The following VEPH1 variants were observed in gnomAD, a reference collection of about 807,000 sequenced individuals.
VEPH1 encodes ventricular zone-expressed PH domain-containing protein homolog 1.
In VEPH1, 80 loss-of-function variants were observed where a neutral mutation model predicts 85.2. That is an observed-to-expected ratio of 0.94 (90% CI 0.78 to 1.13). The LOEUF (loss-of-function observed/expected upper bound fraction) is 1.13, where lower values mean the gene tolerates loss of function less well. VEPH1 is among the 50% of genes most tolerant of loss of function. The probability of loss-of-function intolerance (pLI) is 0.00; values close to 1 mark genes in which losing one functional copy is unlikely to be tolerated. For missense variants in VEPH1, 955 were observed against 980.5 expected, an observed-to-expected ratio of 0.97 and a Z score of 0.35; for synonymous variants, 297 against 348.0, an observed-to-expected ratio of 0.85 and a Z score of 1.63.
chr3:157,367,863 T>G (rs905083960), intron 7 of VEPH1, among the ~76,000 whole-genome samples: 1 of 152,194 alleles, frequency 6.6e-6, no homozygotes, highest in Admixed American at 6.5e-5. Context: ...AAATTTCTCA[T>G]GAATTTATAA....
chr3:157,327,866 A>G (rs957596355), intron 9 of VEPH1, among the ~76,000 whole-genome samples: 2 of 152,220 alleles, frequency 1.3e-5, no homozygotes, highest in African/African-American at 4.8e-5. Flanking sequence ...TCTCACAAGC[A>G]ATGTTTCTGC....
intron 6 of VEPH1, chr3:157,413,328 G>A (rs367980312): frequency 2.5e-5 from 9 of 365,706 alleles, no homozygotes; most frequent in East Asian, 1.7e-4. Flanking sequence ...ATCCACAAAC[G>A]TTTATTTCAC....
At chr3:157,459,376 C>T (rs6791405) in intron 4 of VEPH1, 5,847 of 163,808 alleles carry the variant, frequency 0.036, 367 homozygotes, top group African/African-American at 0.13. Context: ...CCCTTGGGGA[C>T]CCTAAGAATT....
rs142817398 is a variant in VEPH1, at chr3:157,293,109, C to T, written c.2011-6435G>A. Among the ~76,000 whole-genome samples the T allele has an allele frequency of 1.7e-3, 259 of 152,148 alleles. 1 individual carries two copies. The highest frequency in any genetic ancestry group is 2.9e-3 in the Non-Finnish European group (200 of 68,010). On this transcript the variant is annotated intron_variant, in intron 11 of 13. Coordinates refer to ENST00000362010, the MANE Select transcript of VEPH1 (RefSeq NM_001167912.2). Reference sequence around the variant, plus strand: ...TGTTATTATTCCAAATTGTGCAATACGGCAAGAAGAGATCAGGTGTGAAAA... The same window carrying T: ...TGTTATTATTCCAAATTGTGCAATATGGCAAGAAGAGATCAGGTGTGAAAA...
chr3:157,416,868 AAGACAGAC>A lies in VEPH1; in HGVS notation c.697-2786_697-2779del, dbSNP rs59762343. ...GAAAAGAAAGAGAGAAAGAGAAAGA[AAGACAGAC>A]AGACAGAAAGAAAGAAAGAGAAAGG... is the stretch of plus-strand genomic sequence containing the variant. On this transcript the variant is annotated intron_variant, in intron 5 of 13. Transcript: ENST00000362010. Among the ~76,000 whole-genome samples the A allele has an allele frequency of 5.2e-3, 787 of 151,666 alleles. 5 individuals are homozygous for A. Among genetic ancestry groups the A allele is most frequent in the South Asian group, 0.011 (51 of 4,794 alleles).
chr3:157,442,623 C>T (rs1734216613), intron 4 of VEPH1: 2 of 1,614,154 alleles, frequency 1.2e-6, no homozygotes, highest in Non-Finnish European at 1.7e-6. Flanking sequence ...CATGGTTTCC[C>T]TGGGAAGGTG....
intron 7 of VEPH1, among the ~76,000 whole-genome samples, chr3:157,370,290 G>T (rs942418727): frequency 7.2e-5 from 11 of 152,184 alleles, no homozygotes; most frequent in African/African-American, 2.4e-4. Flanking sequence ...GGGGTGGAAA[G>T]ATTGGCAGCC....
chr3:157,472,546 G>T (rs557299705), intron 2 of VEPH1, among the ~76,000 whole-genome samples: 20 of 152,090 alleles, frequency 1.3e-4, no homozygotes, highest in Admixed American at 8.5e-4. Context: ...AAGTTCAGGG[G>T]TACATGTGCA....
chr3:157,344,802 A>G (rs1175944436), intron 9 of VEPH1, among the ~76,000 whole-genome samples: 1 of 152,210 alleles, frequency 6.6e-6, no homozygotes, highest in African/African-American at 2.4e-5. Flanking sequence ...TAACCAAAAC[A>G]TCATGGTACT....
intron 9 of VEPH1, among the ~76,000 whole-genome samples, chr3:157,325,945 T>C (rs191750048): frequency 2.6e-5 from 4 of 152,248 alleles, no homozygotes; most frequent in Non-Finnish European, 5.9e-5. Flanking sequence ...TTCATGATAT[T>C]GATTTTTCCT....
intron 12 of VEPH1, among the ~76,000 whole-genome samples, chr3:157,281,032 A>G (rs1241100375): frequency 6.6e-6 from 1 of 152,066 alleles, no homozygotes; most frequent in Non-Finnish European, 1.5e-5. Context: ...AAGGACAGAG[A>G]GAGAGAAATT....
In VEPH1 at chr3:157,363,552, A is replaced by G; in HGVS notation, c.1547T>C (p.Ile516Thr). Residue 516 changes from isoleucine to threonine, a missense_variant, in exon 9 of 14, where the codon ATA becomes ACA. By Grantham distance (89) the Ile-to-Thr change is moderately conservative. Transcript: ENST00000362010. ...SSVSYPNIIHIDSENLSETVK... is the reference protein window; with the variant it reads ...SSVSYPNIIHTDSENLSETVK... ...AGTTTCTGACAAATTCTCTGAGTCT[A>G]TATGTATAATATTTGGGTATGAAAC... is the stretch of plus-strand genomic sequence containing the variant. The G allele has an allele frequency of 3.1e-6, 5 of 1,614,072 alleles. No individual in the cohort carries two copies. Among genetic ancestry groups the G allele is most frequent in the Non-Finnish European group, 4.2e-6 (5 of 1,180,010 alleles).
intron 4 of VEPH1, chr3:157,436,731 G>GC (rs1733605194): frequency 4.6e-5 from 13 of 282,342 alleles, no homozygotes; most frequent in Non-Finnish European, 7.6e-5. Context: ...CTCCCACCCA[G>GC]CCCCCTCCCC....
chr3:157,386,576 C>T (rs533833610), intron 6 of VEPH1, among the ~76,000 whole-genome samples: 15 of 152,154 alleles, frequency 9.9e-5, no homozygotes, highest in Non-Finnish European at 7.4e-5. Context: ...ATTTTTGTCA[C>T]GACTAGGAGA....
chr3:157,477,189 CA>C (rs1312143628), intron 2 of VEPH1, among the ~76,000 whole-genome samples: 1 of 140,218 alleles, frequency 7.1e-6, no homozygotes, highest in Admixed American at 7.2e-5. Context: ...GCTCTGAGGG[CA>C]TTTTTTTTTT....
At position 157,310,693 on chromosome 3, in the gene VEPH1, C is replaced by G. The variant is rs549974769; in HGVS notation, c.2010+2928G>C. Among the ~76,000 whole-genome samples the G allele has an allele frequency of 5.3e-5, 8 of 152,330 alleles. No individual in the cohort carries two copies. The South Asian group carries it at 1.2e-3, about 24-fold the overall frequency. Reference sequence around the variant, plus strand: ...CCATGTGGTGGCTCAGAATTCCAGGCTGTTTTCATCTTCTGGCAACTCAAT... The same window carrying G: ...CCATGTGGTGGCTCAGAATTCCAGGGTGTTTTCATCTTCTGGCAACTCAAT... On this transcript the variant is annotated intron_variant, in intron 11 of 13. Transcript: ENST00000362010.
chr3:157,288,761 T>G (rs1308020636), intron 11 of VEPH1, among the ~76,000 whole-genome samples: 1 of 152,206 alleles, frequency 6.6e-6, no homozygotes, highest in African/African-American at 2.4e-5. Context: ...AACAAATATT[T>G]GTGTAATAAC....
chr3:157,452,595 C>A (rs1342708849), intron 4 of VEPH1, among the ~76,000 whole-genome samples: 1 of 152,178 alleles, frequency 6.6e-6, no homozygotes, highest in Non-Finnish European at 1.5e-5. Context: ...TCCTCATCAC[C>A]ACCTTAGCTG....
chr3:157,265,690 C>A, intron 12 of VEPH1, 28 bp from the exon 13 acceptor site: 2 of 1,609,022 alleles, frequency 1.2e-6, no homozygotes, highest in South Asian at 1.1e-5. Flanking sequence ...ATAATCATGC[C>A]ATGTATTTTC....
Sources: gnomAD v4.1 joint callset for allele counts (sites outside exome capture counted in the v4.1 genomes callset) on GRCh38, gnomAD v4.1.1 for gene constraint, MANE v1.5 for transcripts, NCBI Gene and HGNC (gene_info 2026-07-23, HGNC 2026-07-21) for gene names.